Variants in KDSR observed in about 807,000 individuals in gnomAD.
The protein encoded by KDSR is 3-ketodihydrosphingosine reductase.
Under a neutral mutation model 41.3 loss-of-function variants are expected in KDSR, and 23 were observed. That is an observed-to-expected ratio of 0.56 (90% confidence interval 0.40 to 0.79). KDSR has a LOEUF of 0.79. Among genes scored for constraint, KDSR ranks in the 30% least tolerant of loss-of-function variants. The pLI is 0.00. For missense variants in KDSR, 351 were observed against 416.8 expected, an observed-to-expected ratio of 0.84 and a Z score of 1.37; for synonymous variants, 138 against 151.7, an observed-to-expected ratio of 0.91 and a Z score of 0.66.
intron 7 of KDSR, among the ~76,000 whole-genome samples, chr18:63,342,067 G>A (rs1181770943): frequency 6.6e-6 from 1 of 151,590 alleles, no homozygotes; most frequent in Non-Finnish European, 1.5e-5. Flanking sequence ...TACTCAGGAG[G>A]CTGAGGCACG....
At chr18:63,347,237 C>T (rs1198909215) in intron 6 of KDSR, among the ~76,000 whole-genome samples, 4 of 152,132 alleles carry the variant, frequency 2.6e-5, no homozygotes, top group Non-Finnish European at 5.9e-5. Flanking sequence ...GGTGCAGTGG[C>T]TCACATATGT....
intron 5 of KDSR, among the ~76,000 whole-genome samples, chr18:63,354,890 T>C (rs922075852): frequency 3.9e-5 from 6 of 152,228 alleles, no homozygotes; most frequent in African/African-American, 1.4e-4. Flanking sequence ...CCGGCATCTC[T>C]TAGGTTACAA....
rs113629966 is a variant in KDSR, at chr18:63,350,091, GA to G, written c.609+796del. Among the ~76,000 whole-genome samples, 862 of 152,304 alleles carry G rather than the reference GA, an allele frequency of 5.7e-3. 8 individuals are homozygous for G. The highest frequency in any genetic ancestry group is 0.019 in the African/African-American group (774 of 41,566). ...GGGGTCTTAGCTCACATCCCTTGCG[GA>G]TAAGAGGGGATGACTGTACACAGCA... On this transcript the variant is annotated intron_variant, in intron 6 of 9. Transcript: ENST00000645214.
At chr18:63,350,492 T>C (rs1436169284) in intron 6 of KDSR, among the ~76,000 whole-genome samples, 1 of 152,210 alleles carries the variant, frequency 6.6e-6, no homozygotes, top group East Asian at 1.9e-4. Flanking sequence ...TTCAAGCTCT[T>C]CCCTCAAACA....
rs866435124 is a variant in KDSR at position 63,358,046 on chromosome 18, C to T, written c.255+1690G>A. ...CAAAAATTAGCTGGGCGTAGTGACG[C>T]GCGCCTGTAATCCCAACTACCCAGG... On this transcript the variant is annotated intron_variant, in intron 3 of 9. Coordinates refer to ENST00000645214, the MANE Select transcript of KDSR (RefSeq NM_002035.4). Among the ~76,000 whole-genome samples the T allele has an allele frequency of 6.3e-4, 96 of 152,162 alleles. 1 individual carries two copies. Among genetic ancestry groups the T allele is most frequent in the South Asian group, 2.1e-3 (10 of 4,824 alleles).
chr18:63,335,105 G>C (rs1914116694), intron 9 of KDSR, 152 bp downstream of exon 9: 1 of 580,954 alleles, frequency 1.7e-6, no homozygotes, highest in Admixed American at 3.1e-5. Context: ...CATTCCTGGT[G>C]GAGGAAGAGG....
intron 5 of KDSR, among the ~76,000 whole-genome samples, chr18:63,351,999 G>C (rs1212790281): frequency 6.6e-6 from 1 of 152,094 alleles, no homozygotes; most frequent in Non-Finnish European, 1.5e-5. Context: ...GCCTAGGCTG[G>C]TCTTGAACTC....
chr18:63,342,628 A>T (rs1392114032), intron 7 of KDSR, among the ~76,000 whole-genome samples: 1 of 152,248 alleles, frequency 6.6e-6, no homozygotes, highest in African/African-American at 2.4e-5. Context: ...CATAATATTA[A>T]TATGAGCACT....
At chr18:63,344,158 CAG>C (rs1452039817) in intron 7 of KDSR, among the ~76,000 whole-genome samples, 2 of 152,064 alleles carry the variant, frequency 1.3e-5, no homozygotes, top group Non-Finnish European at 2.9e-5. Flanking sequence ...GCCTGGATGG[CAG>C]AGTGAGGCCC....
At chr18:63,356,884 C>T (rs1186006212) in intron 3 of KDSR, among the ~76,000 whole-genome samples, 2 of 152,176 alleles carry the variant, frequency 1.3e-5, no homozygotes, top group African/African-American at 4.8e-5. Flanking sequence ...GTAAAGACCA[C>T]AGTCTTAGAG....
At chr18:63,362,717 G>A in intron 2 of KDSR, 62 bp downstream of exon 2, 3 of 1,119,288 alleles carry the variant, frequency 2.7e-6, no homozygotes, top group Non-Finnish European at 4.1e-6. Context: ...GTTTAGCACA[G>A]CCTCTTTGAC....
intron 6 of KDSR, among the ~76,000 whole-genome samples, chr18:63,350,547 G>C (rs112653989): frequency 1.3e-5 from 2 of 152,230 alleles, no homozygotes; most frequent in African/African-American, 4.8e-5. Flanking sequence ...CAAACTTCTT[G>C]TTAAAGAAAA....
chr18:63,361,309 AGCTCCTGGG>A (rs1914980623), intron 2 of KDSR, among the ~76,000 whole-genome samples: 2 of 148,860 alleles, frequency 1.3e-5, no homozygotes, highest in South Asian at 4.2e-4. Flanking sequence ...GCCCCATATG[AGCTCCTGGG>A]GGCCTGAAAT....
At chr18:63,332,415 G>C (rs1428193330) in intron 9 of KDSR, among the ~76,000 whole-genome samples, 1 of 152,172 alleles carries the variant, frequency 6.6e-6, no homozygotes, top group Non-Finnish European at 1.5e-5. Flanking sequence ...CTGTTGCTCA[G>C]GATGGAGTGC....
At chr18:63,341,099 C>T (rs1207993391) in intron 7 of KDSR, among the ~76,000 whole-genome samples, 3 of 151,210 alleles carry the variant, frequency 2.0e-5, no homozygotes, top group African/African-American at 7.4e-5. Flanking sequence ...TTACAATTGG[C>T]ATTTTAGTGC....
chr18:63,361,153 T>C (rs1176757405), intron 2 of KDSR, among the ~76,000 whole-genome samples: 2 of 111,842 alleles, frequency 1.8e-5, no homozygotes, highest in South Asian at 3.0e-4. Context: ...GAGGTTGCAG[T>C]GAGCCAAGAC....
At position 63,351,067 on chromosome 18, in the gene KDSR, T is replaced by C. The variant is rs767648186; in HGVS notation, c.430A>G (p.Ile144Val). ...EVSTFERLMS[I>V]NYLGSVYPSR... Reference sequence around the variant, plus strand: ...GGGTACACGCTGCCCAGGTAATTGATGCTCATTAACCTCTGCAGGGAACAA... The same window carrying C: ...GGGTACACGCTGCCCAGGTAATTGACGCTCATTAACCTCTGCAGGGAACAA... Residue 144 changes from isoleucine to valine, a missense_variant, in exon 6 of 10, where the codon ATC becomes GTC. Coordinates refer to ENST00000645214, the MANE Select transcript of KDSR (RefSeq NM_002035.4). 1.9e-6 allele frequency: 3 copies of C among 1,613,578 alleles called. No homozygotes were observed. The highest frequency in any genetic ancestry group is 2.5e-6 in the Non-Finnish European group (3 of 1,179,744).
At chr18:63,358,108 T>C (rs1236286121) in intron 3 of KDSR, among the ~76,000 whole-genome samples, 1 of 152,112 alleles carries the variant, frequency 6.6e-6, no homozygotes. Flanking sequence ...GAGGTTGCAG[T>C]GAGCTGAGAT....
chr18:63,354,789 C>CT (rs1219869669), intron 5 of KDSR, among the ~76,000 whole-genome samples: 1 of 152,142 alleles, frequency 6.6e-6, no homozygotes, highest in Non-Finnish European at 1.5e-5. Flanking sequence ...GATGCAGTAT[C>CT]TTTTTATCTT....
Sources: gnomAD v4.1 joint callset for allele counts (sites outside exome capture counted in the v4.1 genomes callset) on GRCh38, gnomAD v4.1.1 for gene constraint, MANE v1.5 for transcripts, NCBI Gene and HGNC (gene_info 2026-07-23, HGNC 2026-07-21) for gene names.